Variants in CSTF3 observed in about 807,000 individuals in gnomAD.
CSTF3 encodes the protein CF-1 77 kDa subunit.
A neutral mutation model predicts 105.8 loss-of-function variants in CSTF3; 29 were observed. The ratio of observed to expected loss-of-function variants is 0.27; its 90% CI spans 0.20 to 0.37. The LOEUF (loss-of-function observed/expected upper bound fraction) is 0.37, where lower values mean the gene tolerates loss of function less well. Ranked by LOEUF, CSTF3 falls within the 10% of genes least tolerant of loss-of-function variation. The probability of loss-of-function intolerance (pLI) is 1.00; values close to 1 mark genes in which losing one functional copy is unlikely to be tolerated. For missense variants in CSTF3, 357 were observed against 879.3 expected (o/e 0.41, Z 7.51); for synonymous variants, 252 against 281.9 (o/e 0.89, Z 1.06).
intron 1 of CSTF3, among the ~76,000 whole-genome samples, chr11:33,158,964 T>C (rs556878276): frequency 2.6e-5 from 4 of 152,118 alleles, no homozygotes; most frequent in Middle Eastern, 3.4e-3. Context: ...TGATTCAATA[T>C]GTAAATCTAG....
At position 33,086,998 on chromosome 11, in the gene CSTF3, T is replaced by C. The variant is rs772171033; in HGVS notation, c.1785A>G (p.Arg595=). The C allele has an allele frequency of 6.2e-7, 1 of 1,614,082 alleles. No individual in the cohort carries two copies. The highest frequency in any genetic ancestry group is 1.7e-5 in the Admixed American group (1 of 60,002). The change falls in exon 18 of 21, where the codon CGA becomes CGG. Residue 595 remains arginine (R), a synonymous_variant. Transcript: ENST00000323959. ...AAAGTCATGGCTTACGTGCTAAATG[T>C]CGTGGCTGAAATGGAATCATCTGCT... ...DTQQMIPFQP[R]HLAPPGLHPV...
intron 1 of CSTF3, among the ~76,000 whole-genome samples, chr11:33,143,191 A>T (rs539077663): frequency 6.6e-6 from 1 of 152,352 alleles, no homozygotes; most frequent in African/African-American, 2.4e-5. Flanking sequence ...GAGATTTTTA[A>T]AATATATTCA....
intron 3 of CSTF3, among the ~76,000 whole-genome samples, chr11:33,133,105 G>A (rs1323657890): frequency 1.3e-5 from 2 of 151,908 alleles, no homozygotes; most frequent in East Asian, 1.9e-4. Context: ...ATACTCACTA[G>A]TAAGCTTCTT....
chr11:33,125,316 G>A (rs927278352), intron 3 of CSTF3, among the ~76,000 whole-genome samples: 2 of 152,098 alleles, frequency 1.3e-5, no homozygotes, highest in Non-Finnish European at 2.9e-5. Flanking sequence ...TGTTTCTGAT[G>A]TATGTGGTTT....
chr11:33,156,398 C>G (rs528126328), intron 1 of CSTF3, among the ~76,000 whole-genome samples: 1 of 152,176 alleles, frequency 6.6e-6, no homozygotes, highest in Non-Finnish European at 1.5e-5. Flanking sequence ...GTTTACCTAA[C>G]GAAATAAACC....
intron 3 of CSTF3, among the ~76,000 whole-genome samples, chr11:33,118,879 C>A (rs909036273): frequency 2.0e-5 from 3 of 151,742 alleles, no homozygotes; most frequent in African/African-American, 7.2e-5. Context: ...TCTTTTCTAC[C>A]TTAATTTGCA....
intron 3 of CSTF3, among the ~76,000 whole-genome samples, chr11:33,136,512 G>A (rs961993466): frequency 6.6e-5 from 10 of 151,956 alleles, no homozygotes; most frequent in African/African-American, 2.2e-4. Flanking sequence ...AGGAATAGCT[G>A]TTTCAAAGCT....
chr11:33,102,846 A>G (rs1281231659), intron 9 of CSTF3, among the ~76,000 whole-genome samples: 2 of 152,222 alleles, frequency 1.3e-5, no homozygotes, highest in Admixed American at 6.5e-5. Flanking sequence ...TACTTCATCA[A>G]TTCTAAGTAG....
intron 20 of CSTF3, 63 bp downstream of exon 20, chr11:33,085,650 T>C: frequency 7.1e-7 from 1 of 1,402,238 alleles, no homozygotes; most frequent in Non-Finnish European, 1.0e-6. Context: ...AGAATAATAA[T>C]CTCTACTGCC....
intron 15 of CSTF3, among the ~76,000 whole-genome samples, chr11:33,094,270 A>C (rs1565002578): frequency 2.0e-5 from 3 of 152,244 alleles, no homozygotes. Flanking sequence ...AGGTATTCTT[A>C]TTATGACCAT....
chr11:33,152,181 C>T (rs989729018), intron 1 of CSTF3, among the ~76,000 whole-genome samples: 12 of 152,186 alleles, frequency 7.9e-5, no homozygotes, highest in African/African-American at 2.4e-4. Context: ...CTTGAGCCGG[C>T]GGGGAGGGGC....
intron 15 of CSTF3, among the ~76,000 whole-genome samples, chr11:33,092,577 T>C (rs1293849622): frequency 6.6e-6 from 1 of 152,224 alleles, no homozygotes; most frequent in Non-Finnish European, 1.5e-5. Flanking sequence ...TTTTCCCTTC[T>C]AGTTCAGCCC....
intron 15 of CSTF3, 75 bp from the exon 16 acceptor site, chr11:33,092,415 C>A: frequency 2.2e-6 from 2 of 898,166 alleles, no homozygotes; most frequent in South Asian, 3.9e-5. Flanking sequence ...TGCATTATCT[C>A]ACTTCATCCT....
At chr11:33,131,021 C>A (rs774479277) in intron 3 of CSTF3, among the ~76,000 whole-genome samples, 3 of 152,064 alleles carry the variant, frequency 2.0e-5, no homozygotes, top group Non-Finnish European at 4.4e-5. Context: ...CAGAGTGAGA[C>A]CCTGTCTCAA....
In CSTF3 at chr11:33,090,677, G is replaced by A; in HGVS notation, c.1496C>T (p.Ala499Val). 6.3e-7 allele frequency: 1 copy of A among 1,586,772 alleles called. No individual in the cohort carries two copies. The highest frequency in any genetic ancestry group is 8.5e-7 in the Non-Finnish European group (1 of 1,169,936). ...TCTTTTCTCCACTTTGAGTATACTA[G>A]CTAGATCACCAATATTACTTTCAAA... ...LAFESNIGDL[A>V]SILKVEKRRF... The change falls in exon 17 of 21, where the codon GCT (alanine) becomes GTT (valine). Residue 499 changes from alanine to valine, a missense_variant. Around this residue, in one of 4 missense-constraint regions of CSTF3, gnomAD observed 206 missense variants for 576.5 expected, o/e 0.36. Transcript: ENST00000323959.
intron 12 of CSTF3, 80 bp downstream of exon 12, chr11:33,098,954 G>A (rs1855252294): frequency 3.3e-6 from 5 of 1,506,540 alleles, no homozygotes; most frequent in African/African-American, 1.4e-5. Flanking sequence ...AATATGCCTG[G>A]CAAACAAGCA....
At chr11:33,144,901 G>A (rs571413174) in intron 1 of CSTF3, 48 of 245,306 alleles carry the variant, frequency 2.0e-4, no homozygotes, top group South Asian at 1.4e-3. Context: ...GCTTGAGCCC[G>A]GGAGGGAGAA....
chr11:33,157,998 T>C (rs1475340349), intron 1 of CSTF3, among the ~76,000 whole-genome samples: 1 of 152,238 alleles, frequency 6.6e-6, no homozygotes, highest in Non-Finnish European at 1.5e-5. Context: ...CATTCATATT[T>C]TCCATCCTTA....
At chr11:33,087,237 T>A in intron 17 of CSTF3, 96 bp from the exon 18 acceptor site, 1 of 1,276,772 alleles carries the variant, frequency 7.8e-7, no homozygotes, top group South Asian at 1.3e-5. Context: ...AATATCTGGG[T>A]CAAAACCACA....
Sources: gnomAD v4.1 joint callset for allele counts (sites outside exome capture counted in the v4.1 genomes callset) on GRCh38, gnomAD v4.1.1 for gene constraint, gnomAD v4.1.1 regional missense constraint, MANE v1.5 for transcripts, NCBI Gene and HGNC (gene_info 2026-07-23, HGNC 2026-07-21) for gene names.